The following RABL6 variants were observed in gnomAD, a reference collection of about 807,000 sequenced individuals.
RABL6 encodes the protein rab-like protein 6.
A neutral mutation model predicts 72.9 loss-of-function variants in RABL6; 28 were observed. That is an observed-to-expected ratio of 0.38 (90% CI 0.28 to 0.53). The LOEUF is 0.53. Ranked by LOEUF, RABL6 falls within the 20% of genes least tolerant of loss-of-function variation. The pLI, the probability that RABL6 is intolerant of heterozygous loss-of-function variation, is 0.80. For missense variants in RABL6, 1,029 were observed against 1,008.4 expected, an observed-to-expected ratio of 1.02 and a Z score of -0.28; for synonymous variants, 477 against 421.2, an observed-to-expected ratio of 1.13 and a Z score of -1.62.
In RABL6 at chr9:136,839,423, G is replaced by A. The variant is rs751781925; in HGVS notation, c.1695G>A (p.Met565Ile). The A allele has an allele frequency of 6.2e-7, 1 of 1,612,582 alleles. No homozygotes were observed. Among genetic ancestry groups the A allele is most frequent in the Non-Finnish European group, 8.5e-7 (1 of 1,179,728 alleles). Residue 565 changes from methionine (M) to isoleucine (I), a missense_variant, in exon 12 of 15, where the codon ATG becomes ATA. By Grantham distance (10) the Met-to-Ile change is conservative. Transcript: ENST00000311502. ...CCGAGGGACCCATTGCTGCACAAAT[G>A]CTGTCCTTCGTCATGGATGACCCCG... The part of the protein sequence containing the change: ...SDPEGPIAAQ[M>I]LSFVMDDPDF...
In RABL6 at chr9:136,808,234, AG is replaced by A; in HGVS notation, c.40del (p.Ala14ProfsTer15). The A allele has an allele frequency of 1.3e-6, 2 of 1,562,148 alleles. No homozygotes were observed. The highest frequency in any genetic ancestry group is 8.7e-7 in the Non-Finnish European group (1 of 1,155,898). ...SALKKLVGSD[Q>X]APGRDKNIPA... Reference sequence around the variant, plus strand: ...CTGAAGAAGCTGGTGGGGTCGGACCAGGCCCCGGGCCGGGACAAGAACATCC... The same window carrying A: ...CTGAAGAAGCTGGTGGGGTCGGACCAGCCCCGGGCCGGGACAAGAACATCC... On this transcript the variant is annotated frameshift_variant, in exon 1 of 15. Transcript: ENST00000311502. LOFTEE classifies it high-confidence loss of function.
At chr9:136,837,706 A>G (rs1205387352) in intron 9 of RABL6, 44 bp downstream of exon 9, 1 of 1,548,020 alleles carries the variant, frequency 6.5e-7, no homozygotes, top group Admixed American at 1.9e-5. Context: ...CCAGACCCCC[A>G]GGCCCTCACA....
At chr9:136,808,402 G>T in intron 1 of RABL6, 76 bp downstream of exon 1, 1 of 1,356,914 alleles carries the variant, frequency 7.4e-7, no homozygotes. Context: ...CCGCGCGGTG[G>T]TGGGTGTCGG....
At position 136,839,371 on chromosome 9, in the gene RABL6, A is replaced by C. The variant is rs559366258; in HGVS notation, c.1643A>C (p.Glu548Ala). The C allele has an allele frequency of 6.2e-7, 1 of 1,612,684 alleles. No individual in the cohort carries two copies. Among genetic ancestry groups the C allele is most frequent in the Admixed American group, 1.7e-5 (1 of 59,994 alleles). The change falls in exon 12 of 15, where the codon GAG becomes GCG. Residue 548 changes from glutamate (E) to alanine (A), a missense_variant. Physicochemically the swap from Glu to Ala is moderately radical, Grantham distance 107 (BLOSUM62 -1). This residue lies in a region of RABL6 where 595 missense variants were observed against 472.4 expected (regional missense o/e 1.26). Coordinates refer to ENST00000311502, the MANE Select transcript of RABL6 (RefSeq NM_024718.5). The stretch of plus-strand genomic sequence containing the variant: ...GCTGAGATGGAGCCGGGGAAGGGTG[A>C]GCAGGCCTCCTCGTCGGAGAGTGAC... ...PPAEMEPGKG[E>A]QASSSESDPE... is the part of the protein sequence containing the mutation.
rs1389283702 is a variant in RABL6, at chr9:136,832,033, CGGGAACTGTGTGCTG to C, written c.599+186_599+200del. The C allele has an allele frequency of 1.9e-5, 21 of 1,103,256 alleles. No homozygotes were observed. In the East Asian group the frequency reaches 4.1e-4, roughly 22 times the overall value. 68.3% of individuals were successfully genotyped at this position (1,103,256 alleles called of 1,614,324 possible). ...GCCTGGGTCTCCCCGATGGCAGGGC[CGGGAACTGTGTGCTG>C]GGGAACTGTGTGCCAGGGTGAAGTG... On this transcript the variant is annotated intron_variant, in intron 6 of 14. Coordinates refer to ENST00000311502, the MANE Select transcript of RABL6 (RefSeq NM_024718.5).
At position 136,837,372 on chromosome 9, in the gene RABL6, G is replaced by T; in HGVS notation, c.836G>T (p.Ser279Ile). ...GIFLEMMEAR[S>I]RGHASPLAAN... is the part of the protein sequence containing the mutation. The stretch of plus-strand genomic sequence containing the variant: ...TTCCTGGAGATGATGGAGGCTCGCA[G>T]CCGTGGCCATGCGTCCCCACTGGCG... Residue 279 changes from serine (S) to isoleucine (I), a missense_variant, in exon 9 of 15, where the codon AGC (serine) becomes ATC (isoleucine). By Grantham distance (142) the Ser-to-Ile change is moderately radical (BLOSUM62 -2). Coordinates refer to ENST00000311502, the MANE Select transcript of RABL6 (RefSeq NM_024718.5). 6.2e-7 allele frequency: 1 copy of T among 1,603,422 alleles called. No homozygotes were observed. The highest frequency in any genetic ancestry group is 1.7e-5 in the Admixed American group (1 of 59,022).
intron 6 of RABL6, 148 bp from the exon 7 acceptor site, chr9:136,832,117 G>A: frequency 1.1e-6 from 1 of 898,384 alleles, no homozygotes; most frequent in Non-Finnish European, 1.7e-6. Context: ...CGGCTTAGCT[G>A]CTTAGCAGGG....
chr9:136,841,020 G>A lies in RABL6; in HGVS notation c.*498G>A. 1 of 1,434,902 alleles carries A rather than the reference G, an allele frequency of 7.0e-7. No homozygotes were observed. The highest frequency in any genetic ancestry group is 9.2e-7 in the Non-Finnish European group (1 of 1,091,966). 88.9% of individuals were successfully genotyped at this position (1,434,902 alleles called of 1,614,324 possible). ...GGGCGGCCCAGGCCCCACGCTAGAA[G>A]GCTGGCGAGACCGAAGGCAGCATGT... is the stretch of plus-strand genomic sequence containing the variant. On this transcript the variant is annotated 3_prime_UTR_variant, in exon 15 of 15. Coordinates refer to ENST00000311502, the MANE Select transcript of RABL6 (RefSeq NM_024718.5).
At chr9:136,830,344 G>T (rs1437034131) in intron 5 of RABL6, among the ~76,000 whole-genome samples, 4 of 152,252 alleles carry the variant, frequency 2.6e-5, no homozygotes, top group Non-Finnish European at 5.9e-5. Flanking sequence ...CATGCTCTGG[G>T]CCTCTGCCAA....
At chr9:136,821,487 C>T (rs1848235876) in intron 1 of RABL6, 1 of 985,378 alleles carries the variant, frequency 1.0e-6, no homozygotes, top group Non-Finnish European at 1.2e-6. Context: ...CGCCGCCGTT[C>T]TCTCGCGGGC....
chr9:136,839,148 G>A (rs370587543), intron 11 of RABL6, 27 bp downstream of exon 11: 55 of 1,608,186 alleles, frequency 3.4e-5, no homozygotes, highest in Middle Eastern at 1.7e-4. Context: ...CCACGGGTGC[G>A]GCCTGGAGAC....
intron 1 of RABL6, among the ~76,000 whole-genome samples, chr9:136,818,378 A>AAC (rs1848165468): frequency 8.4e-5 from 6 of 71,162 alleles, no homozygotes; most frequent in South Asian, 5.7e-4. Flanking sequence ...AAAAAAAAAA[A>AAC]AAAAAAAAAA....
At chr9:136,837,812 A>G (rs1209560618) in intron 9 of RABL6, 50 bp from the exon 10 acceptor site, 2 of 1,543,338 alleles carry the variant, frequency 1.3e-6, no homozygotes, top group East Asian at 2.5e-5. Context: ...GGTTGGGTGC[A>G]GTGAGGGTTC....
In RABL6 at chr9:136,831,806, G is replaced by A. The variant is rs772096165; in HGVS notation, c.544G>A (p.Glu182Lys). 1.2e-5 allele frequency: 20 copies of A among 1,613,134 alleles called. No individual in the cohort carries two copies. Among genetic ancestry groups the A allele is most frequent in the South Asian group, 3.3e-5 (3 of 91,074 alleles). The change falls in exon 6 of 15, where the codon GAG becomes AAG. Residue 182 changes from glutamate to lysine, a missense_variant. Physicochemically the swap from Glu to Lys is moderately conservative, Grantham distance 56 (BLOSUM62 1). Transcript: ENST00000311502. ...CVLGNYRDMG[E>K]HRVILPDDVR... ...GCTGGGAAACTACCGGGACATGGGC[G>A]AGCACCGAGTCATCCTGCCGGACGA... is the stretch of plus-strand genomic sequence containing the variant.
intron 8 of RABL6, chr9:136,836,913 G>T: frequency 6.0e-6 from 2 of 335,834 alleles, no homozygotes; most frequent in African/African-American, 2.2e-5. Flanking sequence ...TCGCTCTGTC[G>T]CCCAGGCTGG....
At chr9:136,824,520 G>A (rs1468376816) in intron 2 of RABL6, among the ~76,000 whole-genome samples, 3 of 151,848 alleles carry the variant, frequency 2.0e-5, no homozygotes, top group South Asian at 2.1e-4. Context: ...TAGTAGAGAC[G>A]GGGTTTCACC....
At chr9:136,837,106 A>G (rs1256398305) in intron 8 of RABL6, 1 of 655,244 alleles carries the variant, frequency 1.5e-6, no homozygotes, top group South Asian at 1.6e-5. Flanking sequence ...CCACCTCCTG[A>G]CCTCGTGATC....
intron 10 of RABL6, 22 bp downstream of exon 10, chr9:136,838,037 C>T: frequency 6.4e-7 from 1 of 1,551,116 alleles, no homozygotes; most frequent in Non-Finnish European, 8.7e-7. Flanking sequence ...GCCTGGGCCT[C>T]CTCTCCCATT....
rs12237035 is a variant in RABL6, at chr9:136,840,867, C to T, written c.*345C>T. The stretch of plus-strand genomic sequence containing the variant: ...CTGTTTACAGAGGCTGGGCAGGGGC[C>T]GCTTGGCTGTGGGGTGTGCGCTGCC... On this transcript the variant is annotated 3_prime_UTR_variant, in exon 15 of 15. Coordinates refer to ENST00000311502, the MANE Select transcript of RABL6 (RefSeq NM_024718.5). 2,305 of 1,537,580 alleles carry T rather than the reference C, an allele frequency of 1.5e-3. 40 individuals carry two copies. In the East Asian group the frequency reaches 0.047, roughly 32 times the overall value.
Sources: allele counts gnomAD v4.1 joint callset (sites outside exome capture counted in the v4.1 genomes callset), GRCh38; gene constraint gnomAD v4.1.1; regional missense constraint gnomAD v4.1.1; transcripts MANE v1.5; gene names NCBI Gene and HGNC (gene_info 2026-07-23, HGNC 2026-07-21).